RALGDS: variants seen among roughly 807,000 people sequenced by gnomAD.
RALGDS encodes ral guanine nucleotide exchange factor.
A neutral mutation model predicts 99.8 loss-of-function variants in RALGDS; 44 were observed. That is an observed-to-expected ratio of 0.44 (90% CI 0.35 to 0.57). The LOEUF is 0.57. Ranked by LOEUF, RALGDS falls within the 20% of genes least tolerant of loss-of-function variation. The pLI is 0.01. For missense variants in RALGDS, 1,022 were observed against 1,203.1 expected (o/e 0.85, Z 2.23); for synonymous variants, 529 against 505.0 (o/e 1.05, Z -0.64).
chr9:133,129,849 T>C (rs1296303238), intron 1 of RALGDS, among the ~76,000 whole-genome samples: 1 of 149,564 alleles, frequency 6.7e-6, no homozygotes, highest in Admixed American at 6.7e-5. Context: ...GGAATCTCGC[T>C]CTGTCGCCCA....
chr9:133,140,328 G>A (rs1013314436), intron 1 of RALGDS, among the ~76,000 whole-genome samples: 6 of 152,220 alleles, frequency 3.9e-5, no homozygotes, highest in East Asian at 1.9e-4. Flanking sequence ...CAAGAGGGGC[G>A]GGTGCCAGAG....
intron 8 of RALGDS, among the ~76,000 whole-genome samples, 183 bp downstream of exon 8, chr9:133,106,462 T>C (rs1225057875): frequency 6.6e-6 from 1 of 152,166 alleles, no homozygotes; most frequent in African/African-American, 2.4e-5. Flanking sequence ...ATCTCTGATG[T>C]GGCTCAACCC....
chr9:133,131,102 T>C lies in RALGDS; in HGVS notation c.-19A>G, dbSNP rs975235091. On this transcript the variant is annotated 5_prime_UTR_variant, in exon 1 of 18. Transcript: ENST00000372062. The stretch of plus-strand genomic sequence containing the variant: ...GGCACATCAGGCCCTGGGGCCCGGC[T>C]TCCCGCCCAGACACTGCCCCAGCAG... 1.3e-5 allele frequency: 19 copies of C among 1,459,118 alleles called. No homozygotes were observed. The South Asian group carries it at 2.2e-4, about 17-fold the overall frequency. 90.4% of individuals were successfully genotyped at this position (1,459,118 alleles called of 1,614,324 possible). A position where few individuals can be genotyped will look rare whatever the true frequency, so the allele number is the denominator to read the frequency against.
intron 1 of RALGDS, among the ~76,000 whole-genome samples, chr9:133,143,022 ACTTAT>A (rs1832550157): frequency 6.6e-6 from 1 of 152,232 alleles, no homozygotes; most frequent in Non-Finnish European, 1.5e-5. Flanking sequence ...TGGCAGTGGC[ACTTAT>A]CTTGCAGAGT....
chr9:133,138,809 ATTTT>A, intron 1 of RALGDS, among the ~76,000 whole-genome samples: 1 of 152,242 alleles, frequency 6.6e-6, no homozygotes, highest in African/African-American at 2.4e-5. Flanking sequence ...TAATTTTTGT[ATTTT>A]TAGTAGAGAT....
In RALGDS at chr9:133,108,207, T is replaced by C. The variant is rs1361305040; in HGVS notation, c.978A>G (p.Glu326=). ...QQAPEPAVGL[E]SAPAPALELE... is the part of the protein sequence containing the mutation. ...GTTCCAGAGCTGGCGCTGGAGCCGA[T>C]TCTAGTCCCACAGCTGGCTCTGGAG... The change falls in exon 6 of 18, where the codon GAA becomes GAG. Residue 326 remains glutamate, a synonymous_variant. Transcript: ENST00000372050. 4 of 1,612,568 alleles carry C rather than the reference T, an allele frequency of 2.5e-6. No homozygotes were observed. The highest frequency in any genetic ancestry group is 3.4e-6 in the Non-Finnish European group (4 of 1,179,804).
At chr9:133,103,876 A>G in intron 10 of RALGDS, 43 bp from the exon 11 acceptor site, 1 of 1,580,722 alleles carries the variant, frequency 6.3e-7, no homozygotes, top group Non-Finnish European at 8.7e-7. Flanking sequence ...CCCTCCCCTG[A>G]AGGCTTTCTC....
At chr9:133,125,945 G>A, upstream of RALGDS, among the ~76,000 whole-genome samples, 1 of 152,156 alleles carries the variant, frequency 6.6e-6, no homozygotes, top group Non-Finnish European at 1.5e-5. Flanking sequence ...TGGGGACTGA[G>A]GCCGTGGGCA....
chr9:133,139,094 C>T (rs1832474411), intron 1 of RALGDS, among the ~76,000 whole-genome samples: 1 of 152,196 alleles, frequency 6.6e-6, no homozygotes, highest in Non-Finnish European at 1.5e-5. Flanking sequence ...AAGCTTGTCA[C>T]ATCTGAGCAC....
chr9:133,104,129 A>G (rs1438670367), intron 10 of RALGDS, 134 bp downstream of exon 10: 3 of 950,596 alleles, frequency 3.2e-6, no homozygotes, highest in Admixed American at 2.0e-5. Flanking sequence ...CAGCTGATCC[A>G]GGTGTGGCTC....
chr9:133,147,723 G>C (rs1430433594), intron 1 of RALGDS, among the ~76,000 whole-genome samples: 4 of 152,204 alleles, frequency 2.6e-5, no homozygotes, highest in Non-Finnish European at 5.9e-5. Context: ...AGCAGCCTCA[G>C]GCAGAAAACC....
chr9:133,149,009 C>A, exon 1 of RALGDS: 1 of 1,555,880 alleles, frequency 6.4e-7, no homozygotes, highest in Non-Finnish European at 8.7e-7. Context: ...ATCGCCGGCC[C>A]CAGGGCGGGA....
chr9:133,126,232 G>A (rs919787197), upstream of RALGDS, among the ~76,000 whole-genome samples: 4 of 77,432 alleles, frequency 5.2e-5, no homozygotes, highest in East Asian at 6.9e-4. Flanking sequence ...ACCTCCCCCC[G>A]GGACGTGCAC....
intron 7 of RALGDS, 133 bp from the exon 8 acceptor site, chr9:133,106,881 C>G (rs1831089663): frequency 1.1e-6 from 1 of 916,314 alleles, no homozygotes. Context: ...ACGCCTGCGA[C>G]CCGGGGGTGA....
chr9:133,109,846 AC>A (rs1831253688), intron 3 of RALGDS, 125 bp from the exon 4 acceptor site: 1 of 742,764 alleles, frequency 1.3e-6, no homozygotes, highest in Non-Finnish European at 2.4e-6. Flanking sequence ...GGGCCAGCAC[AC>A]AGTAGGTGCT....
intron 1 of RALGDS, among the ~76,000 whole-genome samples, chr9:133,128,012 C>A (rs972903431): frequency 6.6e-6 from 1 of 152,192 alleles, no homozygotes; most frequent in Non-Finnish European, 1.5e-5. Flanking sequence ...ATGGGTACAC[C>A]CCCGGCATAT....
chr9:133,105,908 C>CCCCA lies in RALGDS; in HGVS notation c.1602+23_1602+24insTGGG, dbSNP rs1564232342. On this transcript the variant is annotated intron_variant, in intron 9 of 17. Coordinates refer to ENST00000372050, the MANE Select transcript of RALGDS (RefSeq NM_006266.4). The stretch of plus-strand genomic sequence containing the variant: ...CCGCCCCAGCCCCCGCCCCAGCCCC[C>CCCCA]GCCCCAGCCTGCCGCCACTCCACCT... 27 of 1,015,716 alleles carry CCCCA rather than the reference C, an allele frequency of 2.7e-5. No individual in the cohort carries two copies. In the African/African-American group the frequency reaches 5.8e-4, roughly 22 times the overall value. 62.9% of individuals were successfully genotyped at this position (1,015,716 alleles called of 1,614,324 possible).
At chr9:133,132,020 A>G (rs1487472767), upstream of RALGDS, among the ~76,000 whole-genome samples, 1 of 152,062 alleles carries the variant, frequency 6.6e-6, no homozygotes, top group Non-Finnish European at 1.5e-5. Context: ...ACATTTGATC[A>G]ATGTTGGTGG....
rs562776726 is a variant in RALGDS, at chr9:133,097,893, C to T, written c.*694G>A. Reference sequence around the variant, plus strand: ...CAAATCCTCCTTCCTCACTAACCCCCGTCTTGCATGGTCTCGTAAAGCCCA... The same window carrying T: ...CAAATCCTCCTTCCTCACTAACCCCTGTCTTGCATGGTCTCGTAAAGCCCA... On this transcript the variant is annotated 3_prime_UTR_variant, in exon 18 of 18. Transcript: ENST00000372050. The T allele has an allele frequency of 8.0e-4, 184 of 230,784 alleles. 1 individual carries two copies. Among genetic ancestry groups the T allele is most frequent in the African/African-American group, 3.8e-3 (172 of 44,964 alleles). 14.3% of individuals were successfully genotyped at this position (230,784 alleles called of 1,614,324 possible). A position where few individuals can be genotyped will look rare whatever the true frequency, so the allele number is the denominator to read the frequency against.
Sources: gnomAD v4.1 joint callset for allele counts (sites outside exome capture counted in the v4.1 genomes callset) on GRCh38, gnomAD v4.1.1 for gene constraint, MANE v1.5 for transcripts, NCBI Gene and HGNC (gene_info 2026-07-23, HGNC 2026-07-21) for gene names.